AMZ1: variants seen among roughly 807,000 people sequenced by gnomAD.
AMZ1 encodes the protein archaelysin family metallopeptidase 1, also known as archaemetzincin-1.
Under a neutral mutation model 29.9 loss-of-function variants are expected in AMZ1, and 39 were observed. The observed-to-expected ratio is 1.30, with a 90% CI of 1.01 to 1.70. AMZ1 has a LOEUF of 1.70. AMZ1 is among the 40% of genes most tolerant of loss of function. AMZ1 has a pLI of 0.00. For missense variants in AMZ1, 1,041 were observed against 680.6 expected, an observed-to-expected ratio of 1.53 and a Z score of -5.89; for synonymous variants, 458 against 304.0, an observed-to-expected ratio of 1.51 and a Z score of -5.27.
chr7:2,759,839 G>A (rs1791473883), upstream of AMZ1, among the ~76,000 whole-genome samples: 1 of 152,098 alleles, frequency 6.6e-6, no homozygotes, highest in Admixed American at 6.5e-5. Context: ...GGGTGCAGAT[G>A]CCGTCCAATG....
intron 4 of AMZ1, among the ~76,000 whole-genome samples, chr7:2,754,456 A>C (rs1791193245): frequency 6.6e-6 from 1 of 151,966 alleles, no homozygotes; most frequent in South Asian, 2.1e-4. Flanking sequence ...TACTAAGAGG[A>C]TCTGGGCAGG....
At position 2,712,752 on chromosome 7, in the gene AMZ1, C is replaced by G; in HGVS notation, c.1371C>G (p.Ser457Arg). The G allele has an allele frequency of 6.2e-7, 1 of 1,603,324 alleles. No homozygotes were observed. Among genetic ancestry groups the G allele is most frequent in the Non-Finnish European group, 8.5e-7 (1 of 1,173,930 alleles). Reference sequence around the variant, plus strand: ...CCACCAGGCAGGACCCACCCAGCAGCAGGGACAGCGTGGGGCTGCGCAAGG... The same window carrying G: ...CCACCAGGCAGGACCCACCCAGCAGGAGGGACAGCGTGGGGCTGCGCAAGG... ...LPATRQDPPS[S>R]RDSVGLRKVL... The change falls in exon 7 of 7, where the codon AGC becomes AGG. Residue 457 changes from serine to arginine, a missense_variant. Coordinates refer to ENST00000683327, the MANE Select transcript of AMZ1 (RefSeq NM_001384743.1).
At position 2,731,749 on chromosome 7, in the gene AMZ1, T is replaced by C; in HGVS notation, n.550+21933T>C. ...GATATCTTGCTTACTAGGAAAGTAATTCTGTAAAATACAGGATGAGGCAGA... is the reference window on the plus strand; with the variant it reads ...GATATCTTGCTTACTAGGAAAGTAACTCTGTAAAATACAGGATGAGGCAGA... On this transcript the variant is annotated intron_variant and non_coding_transcript_variant, in intron 4 of 4. Transcript: ENST00000489665. The surrounding 1 kb of genome is among the most constrained non-coding windows in gnomAD (Gnocchi z 6.0). 1 of 1,498,172 alleles carries C rather than the reference T, an allele frequency of 6.7e-7. No individual in the cohort carries two copies. The highest frequency in any genetic ancestry group is 9.0e-7 in the Non-Finnish European group (1 of 1,111,856). 92.8% of individuals were successfully genotyped at this position (1,498,172 alleles called of 1,614,324 possible).
intron 4 of AMZ1, chr7:2,730,215 T>G (rs1167565105): frequency 1.3e-5 from 2 of 152,398 alleles, no homozygotes; most frequent in African/African-American, 2.4e-5. Context: ...AGAGGAATGT[T>G]TCTGAAAGAA....
intron 4 of AMZ1, chr7:2,733,493 C>A (rs35958373): frequency 1.2e-6 from 2 of 1,613,234 alleles, no homozygotes; most frequent in African/African-American, 2.7e-5. Flanking sequence ...AGTACTTCAC[C>A]GACTCCCCCT....
intron 1 of AMZ1, among the ~76,000 whole-genome samples, chr7:2,697,940 A>AT (rs1161637705): frequency 1.3e-5 from 2 of 152,220 alleles, no homozygotes; most frequent in Non-Finnish European, 2.9e-5. Flanking sequence ...CTGGAAAAAA[A>AT]ATATATTTGT....
intron 4 of AMZ1, among the ~76,000 whole-genome samples, chr7:2,734,387 G>A (rs1790052982): frequency 6.6e-6 from 1 of 152,244 alleles, no homozygotes; most frequent in African/African-American, 2.4e-5. Flanking sequence ...AGCAGGCGGG[G>A]TCAAGGCTTC....
intron 4 of AMZ1, among the ~76,000 whole-genome samples, chr7:2,747,207 G>C (rs1315223223): frequency 2.0e-5 from 3 of 152,124 alleles, no homozygotes; most frequent in South Asian, 2.1e-4. Flanking sequence ...GCCTGGCAGA[G>C]ACACAACCAA....
rs931282258 is a variant in AMZ1 at position 2,706,792 on chromosome 7, G to T, written c.473-1796G>T. On this transcript the variant is annotated intron_variant, in intron 3 of 6. Transcript: ENST00000683327. ...GTTAGGACTTCCACCTGTCTTTTTG[G>T]GGGACATAGCCTGATCCACAACAAT... Among the ~76,000 whole-genome samples, 3 of 149,584 alleles carry T rather than the reference G, an allele frequency of 2.0e-5. No individual in the cohort carries two copies. In the East Asian group the frequency reaches 5.8e-4, roughly 29 times the overall value.
At chr7:2,696,386 A>G (rs1292534855) in intron 1 of AMZ1, among the ~76,000 whole-genome samples, 2 of 150,312 alleles carry the variant, frequency 1.3e-5, no homozygotes, top group Non-Finnish European at 3.0e-5. Context: ...CCTCCCAAGT[A>G]GCTGGGACTA....
rs563925915 is a variant in AMZ1, at chr7:2,691,808, T to C, written c.-219+3512T>C. 5.9e-5 allele frequency among the ~76,000 whole-genome samples: 9 copies of C among 151,810 alleles called. No homozygotes were observed. The South Asian group carries it at 1.9e-3, about 32-fold the overall frequency. ...CCGGAAGGGGAATGTTGATCAGGGC[T>C]GGTCCAGGGTGCCCGCAGGTATTGC... is the stretch of plus-strand genomic sequence containing the variant. On this transcript the variant is annotated intron_variant, in intron 1 of 6. Transcript: ENST00000683327.
At chr7:2,707,249 C>T (rs1788408543) in intron 3 of AMZ1, among the ~76,000 whole-genome samples, 1 of 150,510 alleles carries the variant, frequency 6.6e-6, no homozygotes, top group Admixed American at 6.7e-5. Flanking sequence ...TACACTGCAG[C>T]CTGGGCAACA....
At chr7:2,742,539 A>T (rs1457977351) in intron 4 of AMZ1, among the ~76,000 whole-genome samples, 1 of 152,154 alleles carries the variant, frequency 6.6e-6, no homozygotes, top group Non-Finnish European at 1.5e-5. Context: ...AGGGGCTGTA[A>T]TTCATCTCTG....
At chr7:2,710,063 T>G (rs991070746) in intron 6 of AMZ1, among the ~76,000 whole-genome samples, 3 of 152,026 alleles carry the variant, frequency 2.0e-5, no homozygotes, top group Non-Finnish European at 2.9e-5. Flanking sequence ...CGGGGTCGAG[T>G]GGGGACGAGG....
At position 2,717,579 on chromosome 7, in the gene AMZ1, C is replaced by T. The variant is rs950299413; in HGVS notation, c.*4701C>T. Among the ~76,000 whole-genome samples, 23 of 152,328 alleles carry T rather than the reference C, an allele frequency of 1.5e-4. No individual in the cohort carries two copies. Among genetic ancestry groups the T allele is most frequent in the Non-Finnish European group, 2.9e-4 (20 of 68,040 alleles). The stretch of plus-strand genomic sequence containing the variant: ...CCAGTTTCAAGGAAACCTAAAGCAG[C>T]AGCAAATTTATGGCTCTTGGAACAC... On this transcript the variant is annotated 3_prime_UTR_variant, in exon 7 of 7. Coordinates refer to ENST00000683327, the MANE Select transcript of AMZ1 (RefSeq NM_001384743.1).
At position 2,712,430 on chromosome 7, in the gene AMZ1, C is replaced by A. The variant is rs777461868; in HGVS notation, c.1049C>A (p.Ser350Ter). 5 of 1,611,908 alleles carry A rather than the reference C, an allele frequency of 3.1e-6. No individual in the cohort carries two copies. The highest frequency in any genetic ancestry group is 4.2e-6 in the Non-Finnish European group (5 of 1,179,696). The stretch of plus-strand genomic sequence containing the variant: ...GACACCCCGCCTGCCAGCGCCGACT[C>A]GGGCATGTGCTGTGAGAGTGACTCG... The part of the protein sequence containing the change: ...WEDTPPASAD[S>*]GMCCESDSEP... The change falls in exon 7 of 7, where the codon TCG becomes TAG. Residue 350 changes from serine (S) to a stop codon, truncating the protein, a stop_gained. Transcript: ENST00000683327. LOFTEE classifies it low-confidence loss of function (END_TRUNC).
Position 2,713,681 on chromosome 7 carries a change from C to G in AMZ1, c.*803C>G, listed in dbSNP as rs1377114809. On this transcript the variant is annotated 3_prime_UTR_variant, in exon 7 of 7. Coordinates refer to ENST00000683327, the MANE Select transcript of AMZ1 (RefSeq NM_001384743.1). ...CACGTTCTGTGGCGCTAACAGCATC[C>G]TGATCCTGACGGACTTCACCGGGGC... 6.6e-6 allele frequency: 1 copy of G among 152,520 alleles called. No individual in the cohort carries two copies. The highest frequency in any genetic ancestry group is 2.4e-5 in the African/African-American group (1 of 41,456). The allele number at this position is 152,520 out of a possible 1,614,324, so 9.4% of individuals were successfully genotyped here. A position where few individuals can be genotyped will look rare whatever the true frequency, so the allele number is the denominator to read the frequency against.
At chr7:2,709,600 C>T (rs200373407) in intron 5 of AMZ1, 40 bp from the exon 6 acceptor site, 1 of 1,590,860 alleles carries the variant, frequency 6.3e-7, no homozygotes, top group Non-Finnish European at 8.5e-7. Context: ...GATGCAGGGG[C>T]AAGGCAGTGA....
intron 3 of AMZ1, among the ~76,000 whole-genome samples, chr7:2,705,921 G>C (rs149579323): frequency 2.6e-5 from 4 of 152,228 alleles, no homozygotes; most frequent in African/African-American, 4.8e-5. Flanking sequence ...TACACGGTGC[G>C]TCTCACCTGT....
Sources: gnomAD v4.1 joint callset for allele counts (sites outside exome capture counted in the v4.1 genomes callset) on GRCh38, gnomAD v4.1.1 for gene constraint, Gnocchi (gnomAD v3.1) non-coding constraint, MANE v1.5 for transcripts, NCBI Gene and HGNC (gene_info 2026-07-23, HGNC 2026-07-21) for gene names.